The following LRRC74A variants were observed in gnomAD, a reference collection of about 807,000 sequenced individuals.
The protein encoded by LRRC74A is leucine-rich repeat-containing protein 74A.
Under a neutral mutation model 57.9 loss-of-function variants are expected in LRRC74A, and 44 were observed. The observed-to-expected ratio is 0.76, with a 90% CI of 0.60 to 0.98. The LOEUF is 0.98. LRRC74A is among the 50% of genes least tolerant of loss of function. The pLI is 0.00. For missense variants in LRRC74A, 572 were observed against 574.0 expected, an observed-to-expected ratio of 1.00 and a Z score of 0.04; for synonymous variants, 211 against 219.4, an observed-to-expected ratio of 0.96 and a Z score of 0.34.
intron 13 of LRRC74A, among the ~76,000 whole-genome samples, chr14:76,868,701 G>A (rs533382057): frequency 6.6e-6 from 1 of 152,286 alleles, no homozygotes; most frequent in East Asian, 1.9e-4. Context: ...TGTGGAGCAA[G>A]GCCTCCCATC....
In LRRC74A at chr14:76,860,762, G is replaced by A. The variant is rs746898980; in HGVS notation, c.1123G>A (p.Val375Met). 11 of 1,611,662 alleles carry A rather than the reference G, an allele frequency of 6.8e-6. No homozygotes were observed. Among genetic ancestry groups the A allele is most frequent in the African/African-American group, 4.0e-5 (3 of 74,838 alleles). ...GVYAVHPQLD[V>M]VFKAVQGLSP... ...GTATGCCGTTCACCCGCAGCTGGAC[G>A]TGGTATTCAAGGCAGTACAAGGCCT... Residue 375 changes from valine (V) to methionine (M), a missense_variant, in exon 11 of 14, where the codon GTG becomes ATG. Coordinates refer to ENST00000689127, the MANE Select transcript of LRRC74A (RefSeq NM_001385106.1).
chr14:76,857,287 A>C, intron 9 of LRRC74A, 93 bp from the exon 10 acceptor site: 1 of 737,700 alleles, frequency 1.4e-6, no homozygotes, highest in Admixed American at 2.2e-5. Flanking sequence ...GGTGTGAGAC[A>C]GAGGTTGTGA....
chr14:76,827,855 C>A (rs1895683957), intron 1 of LRRC74A, among the ~76,000 whole-genome samples: 1 of 152,188 alleles, frequency 6.6e-6, no homozygotes, highest in African/African-American at 2.4e-5. Flanking sequence ...GTCACCTCCC[C>A]TGCCCTGCCC....
In LRRC74A at chr14:76,864,515, G is replaced by A. The variant is rs141618824; in HGVS notation, c.1201-1453G>A. ...ACTGTAATATCGTAAGGCCGGGTGC[G>A]GGGAAGAGAAAAAAAAATACTTAAA... On this transcript the variant is annotated intron_variant, in intron 11 of 13. Transcript: ENST00000689127. 6.6e-3 allele frequency among the ~76,000 whole-genome samples: 1,001 copies of A among 151,922 alleles called. 3 individuals carry two copies. Among genetic ancestry groups the A allele is most frequent in the Middle Eastern group, 0.017 (5 of 294 alleles).
intron 7 of LRRC74A, among the ~76,000 whole-genome samples, chr14:76,849,520 T>G (rs2140288955): frequency 6.6e-6 from 1 of 151,962 alleles, no homozygotes; most frequent in South Asian, 2.1e-4. Context: ...CACTTACTAT[T>G]GCTGGGCGGG....
At chr14:76,845,314 G>A (rs10140350) in intron 7 of LRRC74A, among the ~76,000 whole-genome samples, 96,304 of 150,360 alleles carry the variant, frequency 0.64, 31,070 homozygotes, top group East Asian at 0.88. Context: ...ACAGAGAGAG[G>A]CCCTGTCTCA....
chr14:76,853,243 C>T lies in LRRC74A; in HGVS notation c.790C>T (p.Leu264Phe), dbSNP rs1449298385. ...TAATGTGACCCTGACAAAGCTGGAT[C>T]TCTCCATGAATGGCTTTGGGAATGA... ...RGNVTLTKLD[L>F]SMNGFGNEVA... The change falls in exon 9 of 14, where the codon CTC becomes TTC. Residue 264 changes from leucine (L) to phenylalanine (F), a missense_variant. Physicochemically the swap from Leu to Phe is conservative, Grantham distance 22 (BLOSUM62 0). Coordinates refer to ENST00000689127, the MANE Select transcript of LRRC74A (RefSeq NM_001385106.1). 9 of 1,613,348 alleles carry T rather than the reference C, an allele frequency of 5.6e-6. No individual in the cohort carries two copies. Among genetic ancestry groups the T allele is most frequent in the Non-Finnish European group, 5.1e-6 (6 of 1,179,350 alleles).
chr14:76,853,779 G>T (rs907433862), intron 9 of LRRC74A, among the ~76,000 whole-genome samples: 6 of 151,954 alleles, frequency 3.9e-5, no homozygotes, highest in Non-Finnish European at 7.4e-5. Flanking sequence ...TTGAGACAGG[G>T]TCTGGCTCTG....
intron 7 of LRRC74A, among the ~76,000 whole-genome samples, chr14:76,850,745 A>G (rs549760957): frequency 1.7e-4 from 25 of 151,346 alleles, no homozygotes; most frequent in South Asian, 1.1e-3. Context: ...GCAGGCGCCT[A>G]TAATCCCAGC....
intron 7 of LRRC74A, among the ~76,000 whole-genome samples, chr14:76,851,872 G>A (rs1021278778): frequency 2.0e-5 from 3 of 151,040 alleles, no homozygotes; most frequent in African/African-American, 7.3e-5. Context: ...CACCATGTTG[G>A]CCAGGGTGGT....
At position 76,860,791 on chromosome 14, in the gene LRRC74A, T is replaced by A; in HGVS notation, c.1152T>A (p.Ser384=). The change falls in exon 11 of 14, where the codon TCT becomes TCA. Residue 384 remains serine, a synonymous_variant. Coordinates refer to ENST00000689127, the MANE Select transcript of LRRC74A (RefSeq NM_001385106.1). ...TATTCAAGGCAGTACAAGGCCTCTC[T>A]CCCAAGAAAACCATCTTCTTGTTGA... ...DVVFKAVQGL[S]PKKTIFLLTN... 6.2e-7 allele frequency: 1 copy of A among 1,610,874 alleles called. No individual in the cohort carries two copies. The highest frequency in any genetic ancestry group is 8.5e-7 in the Non-Finnish European group (1 of 1,177,982).
At position 76,831,406 on chromosome 14, in the gene LRRC74A, T is replaced by C. The variant is rs1595341235; in HGVS notation, c.339+31T>C. The C allele has an allele frequency of 2.5e-6, 4 of 1,608,398 alleles. No homozygotes were observed. The East Asian group carries it at 8.9e-5, about 36-fold the overall frequency. On this transcript the variant is annotated intron_variant, in intron 3 of 13. Coordinates refer to ENST00000689127, the MANE Select transcript of LRRC74A (RefSeq NM_001385106.1). ...CATGCTAGTGGGAGCTCATGAAACC[T>C]GGAGGAGGTGGAGGGTTGGCAGAGT...
At chr14:76,828,577 G>GTCC (rs1186306499) in intron 2 of LRRC74A, 158 bp downstream of exon 2, 1 of 1,118,298 alleles carries the variant, frequency 8.9e-7, no homozygotes, top group East Asian at 2.6e-5. Context: ...TTTGCCTGGA[G>GTCC]TCCTCCTCCG....
At chr14:76,859,422 T>C (rs1898130686) in intron 10 of LRRC74A, among the ~76,000 whole-genome samples, 1 of 151,060 alleles carries the variant, frequency 6.6e-6, no homozygotes, top group Non-Finnish European at 1.5e-5. Context: ...TAATCATAGC[T>C]ACCTGGGAGG....
In LRRC74A at chr14:76,867,399, TA is replaced by T; in HGVS notation, c.1355del (p.Lys452ArgfsTer10). The T allele has an allele frequency of 1.2e-6, 2 of 1,603,380 alleles. No homozygotes were observed. Among genetic ancestry groups the T allele is most frequent in the Non-Finnish European group, 1.7e-6 (2 of 1,171,654 alleles). ...PLNQYQVREV[I>X]KKLDEKTGMV... ...AACCAGTACCAGGTCAGGGAGGTGA[TA>T]AAGAAGCTCGATGAGAAGACAGGCA... On this transcript the variant is annotated frameshift_variant, in exon 13 of 14. Transcript: ENST00000689127. LOFTEE classifies it high-confidence loss of function.
Position 76,870,255 on chromosome 14 carries a change from T to C in LRRC74A, c.*106T>C, listed in dbSNP as rs1380573115. On this transcript the variant is annotated 3_prime_UTR_variant, in exon 14 of 14. Transcript: ENST00000689127. The stretch of plus-strand genomic sequence containing the variant: ...GGCTGAAATCTCGATGGACAGATGC[T>C]GTGGCAGGGGCTGGGCACAAGCAAA... 4.0e-6 allele frequency: 5 copies of C among 1,249,060 alleles called. No homozygotes were observed. In the Admixed American group the frequency reaches 9.9e-5, roughly 25 times the overall value. 77.4% of individuals were successfully genotyped at this position (1,249,060 alleles called of 1,614,324 possible). A position where few individuals can be genotyped will look rare whatever the true frequency, so the allele number is the denominator to read the frequency against.
intron 12 of LRRC74A, among the ~76,000 whole-genome samples, 168 bp from the exon 13 acceptor site, chr14:76,867,188 A>T (rs140870630): frequency 0.22 from 749 of 3,370 alleles, 76 homozygotes; most frequent in East Asian, 0.47. Flanking sequence ...TGTGTGGGGG[A>T]GTGTGTGTGT....
chr14:76,828,064 G>A (rs1895704612), intron 1 of LRRC74A, among the ~76,000 whole-genome samples: 1 of 152,242 alleles, frequency 6.6e-6, no homozygotes, highest in Non-Finnish European at 1.5e-5. Flanking sequence ...GGTCTCCAGG[G>A]AGCAGAAGGG....
chr14:76,838,183 A>G (rs1055304897), intron 5 of LRRC74A, among the ~76,000 whole-genome samples: 15 of 152,200 alleles, frequency 9.9e-5, no homozygotes, highest in African/African-American at 3.4e-4. Flanking sequence ...TGATATATAA[A>G]CAATAATTTA....
Sources: allele counts gnomAD v4.1 joint callset (sites outside exome capture counted in the v4.1 genomes callset), GRCh38; gene constraint gnomAD v4.1.1; transcripts MANE v1.5; gene names NCBI Gene and HGNC (gene_info 2026-07-23, HGNC 2026-07-21).